The following CHPT1 variants were observed in gnomAD, a reference collection of about 807,000 sequenced individuals.
CHPT1 encodes choline phosphotransferase 1, also known as cholinephosphotransferase 1.
A neutral mutation model predicts 47.6 loss-of-function variants in CHPT1; 36 were observed. The observed-to-expected ratio is 0.76, with a 90% confidence interval of 0.58 to 1.00. The LOEUF (loss-of-function observed/expected upper bound fraction) is 1.00, where lower values mean the gene tolerates loss of function less well. Ranked by LOEUF, CHPT1 falls within the 50% of genes least tolerant of loss-of-function variation. The pLI is 0.00. For synonymous variants in CHPT1, 194 were observed against 186.3 expected (o/e 1.04, Z -0.33); for missense variants, 458 against 498.1 (o/e 0.92, Z 0.77).
chr12:101,716,062 A>G (rs1429962139), intron 3 of CHPT1, among the ~76,000 whole-genome samples: 1 of 152,210 alleles, frequency 6.6e-6, no homozygotes, highest in Non-Finnish European at 1.5e-5. Flanking sequence ...TTAAGCAACA[A>G]ACGTGAAGAG....
chr12:101,705,352 C>T (rs1187988725), intron 1 of CHPT1, among the ~76,000 whole-genome samples: 1 of 88,420 alleles, frequency 1.1e-5, no homozygotes, highest in Non-Finnish European at 2.1e-5. Flanking sequence ...CATGAGCCAC[C>T]GCACCTGGCC....
chr12:101,701,413 A>G (rs907376048), intron 1 of CHPT1, among the ~76,000 whole-genome samples: 2 of 152,246 alleles, frequency 1.3e-5, no homozygotes, highest in African/African-American at 4.8e-5. Context: ...TTTACTGTGT[A>G]TCAGGGATGA....
intron 3 of CHPT1, 58 bp downstream of exon 3, chr12:101,714,703 C>A: frequency 6.6e-7 from 1 of 1,504,176 alleles, no homozygotes; most frequent in South Asian, 1.3e-5. Context: ...TTTGCACAAT[C>A]TGTTATGTCA....
In CHPT1 at chr12:101,723,780, G is replaced by T. The variant is rs141024430; in HGVS notation, c.998G>T (p.Gly333Val). ...YLQDTVFLGP[G>V]LLFLDQYFNN... ...CAAGACACTGTCTTTTTGGGGCCAG[G>T]TCTTTTGTTTTTAGACCAGTACTTT... Residue 333 changes from glycine (G) to valine (V), a missense_variant, in exon 7 of 9, where the codon GGT (glycine) becomes GTT (valine). Coordinates refer to ENST00000229266, the MANE Select transcript of CHPT1 (RefSeq NM_020244.3). 749 of 1,587,868 alleles carry T rather than the reference G, an allele frequency of 4.7e-4. No individual in the cohort carries two copies. The highest frequency in any genetic ancestry group is 4.3e-3 in the Middle Eastern group (25 of 5,828).
intron 5 of CHPT1, among the ~76,000 whole-genome samples, chr12:101,721,715 G>A (rs890919992): frequency 6.6e-6 from 1 of 152,156 alleles, no homozygotes; most frequent in African/African-American, 2.4e-5. Context: ...TAGTTGGAAC[G>A]TTAAGTTCCA....
At chr12:101,702,956 C>T (rs548199197) in intron 1 of CHPT1, among the ~76,000 whole-genome samples, 12 of 152,080 alleles carry the variant, frequency 7.9e-5, no homozygotes, top group East Asian at 5.8e-4. Flanking sequence ...CCTTAGTCCC[C>T]GGCCATCTAG....
intron 1 of CHPT1, among the ~76,000 whole-genome samples, chr12:101,710,004 G>T (rs1480987385): frequency 6.7e-6 from 1 of 149,034 alleles, no homozygotes; most frequent in Non-Finnish European, 1.5e-5. Context: ...GATAATAACT[G>T]CCCTATCTCT....
In CHPT1 at chr12:101,697,930, G is replaced by A. The variant is rs1203325315; in HGVS notation, c.69G>A (p.Ala23=). ...WLRALSEPLS[A]AQLRRLEEHR... The stretch of plus-strand genomic sequence containing the variant: ...GGGCGCTGAGCGAGCCGCTGAGCGC[G>A]GCGCAGCTGCGGCGACTGGAGGAGC... The change falls in exon 1 of 9, where the codon GCG becomes GCA. Residue 23 remains alanine (A), a synonymous_variant. Transcript: ENST00000229266. The A allele has an allele frequency of 2.7e-6, 4 of 1,489,520 alleles. No individual in the cohort carries two copies. In the Admixed American group the frequency reaches 6.6e-5, roughly 24 times the overall value. 92.3% of individuals were successfully genotyped at this position (1,489,520 alleles called of 1,614,324 possible).
chr12:101,724,357 C>T (rs1037554414), intron 7 of CHPT1, among the ~76,000 whole-genome samples: 7 of 151,952 alleles, frequency 4.6e-5, no homozygotes, highest in African/African-American at 7.3e-5. Flanking sequence ...AGGTTTCCAA[C>T]AACCTGGATT....
Position 101,723,766 on chromosome 12 carries a change from CT to C in CHPT1, c.989del (p.Leu330TrpfsTer8). ...GTGAACTATATCTTCAAGACACTGT[CT>C]TTTTGGGGCCAGGTCTTTTGTTTTT... ...KSELYLQDTV[F>X]LGPGLLFLDQ... On this transcript the variant is annotated frameshift_variant, in exon 7 of 9. Transcript: ENST00000229266. LOFTEE classifies it high-confidence loss of function. The C allele has an allele frequency of 1.3e-6, 2 of 1,593,774 alleles. No individual in the cohort carries two copies. The highest frequency in any genetic ancestry group is 1.7e-6 in the Non-Finnish European group (2 of 1,165,506).
At chr12:101,724,698 CAATTA>C (rs1951913236) in intron 7 of CHPT1, among the ~76,000 whole-genome samples, 1 of 152,076 alleles carries the variant, frequency 6.6e-6, no homozygotes, top group African/African-American at 2.4e-5. Flanking sequence ...ACTCAGTCAT[CAATTA>C]AATTAAATTC....
chr12:101,705,746 TTTTTG>T (rs1317185612), intron 1 of CHPT1, among the ~76,000 whole-genome samples: 2 of 131,432 alleles, frequency 1.5e-5, no homozygotes, highest in Admixed American at 7.7e-5. Context: ...TCCCATTGCT[TTTTTG>T]TTTTGTTTGT....
rs1205370834 is a variant in CHPT1 at position 101,728,460 on chromosome 12, C to T, written c.1177-441C>T. 1.9e-5 allele frequency: 3 copies of T among 157,760 alleles called. No homozygotes were observed. In the South Asian group the frequency reaches 5.5e-4, roughly 29 times the overall value. 9.8% of individuals were successfully genotyped at this position (157,760 alleles called of 1,614,324 possible). A position where few individuals can be genotyped will look rare whatever the true frequency, so the allele number is the denominator to read the frequency against. Reference sequence around the variant, plus strand: ...AATGTTCAGAGGTTAATGATTTTAGCAATTTATTCCAGAACACAAATTTAA... The same window carrying T: ...AATGTTCAGAGGTTAATGATTTTAGTAATTTATTCCAGAACACAAATTTAA... On this transcript the variant is annotated intron_variant, in intron 8 of 8. Transcript: ENST00000229266.
At chr12:101,708,034 A>G (rs1262226395) in intron 1 of CHPT1, among the ~76,000 whole-genome samples, 2 of 152,350 alleles carry the variant, frequency 1.3e-5, no homozygotes, top group South Asian at 2.1e-4. Context: ...TTAATGGACT[A>G]TCAGACTTGC....
chr12:101,712,298 G>C (rs1459397827), intron 1 of CHPT1, among the ~76,000 whole-genome samples: 4 of 148,670 alleles, frequency 2.7e-5, no homozygotes, highest in Non-Finnish European at 4.5e-5. Flanking sequence ...TAGGATTATA[G>C]GTGTGAGCCG....
At chr12:101,726,937 A>C (rs1477328969) in intron 8 of CHPT1, 1 of 152,684 alleles carries the variant, frequency 6.5e-6, no homozygotes, top group African/African-American at 2.4e-5. Flanking sequence ...AGTATGTTAT[A>C]AAATACTTGC....
intron 1 of CHPT1, among the ~76,000 whole-genome samples, chr12:101,705,933 C>T (rs1268972151): frequency 6.6e-6 from 1 of 151,024 alleles, no homozygotes; most frequent in African/African-American, 2.4e-5. Context: ...ACTATGTTGG[C>T]CAGGCTGGTC....
At chr12:101,725,055 A>ATCTT (rs769400501) in intron 7 of CHPT1, among the ~76,000 whole-genome samples, 4 of 152,274 alleles carry the variant, frequency 2.6e-5, no homozygotes, top group East Asian at 3.9e-4. Flanking sequence ...CCTGCAGTGA[A>ATCTT]TCTTTTGATA....
At chr12:101,723,977 G>T (rs1296613538) in intron 7 of CHPT1, 130 bp downstream of exon 7, 4 of 653,732 alleles carry the variant, frequency 6.1e-6, no homozygotes, top group Non-Finnish European at 1.0e-5. Context: ...AGCACTTTGG[G>T]AGGCCAAGGT....
Sources: allele counts gnomAD v4.1 joint callset (sites outside exome capture counted in the v4.1 genomes callset), GRCh38; gene constraint gnomAD v4.1.1; transcripts MANE v1.5; gene names NCBI Gene and HGNC (gene_info 2026-07-23, HGNC 2026-07-21).